The following PFKFB2 variants were observed in gnomAD, a reference collection of about 807,000 sequenced individuals.
PFKFB2 encodes the protein 6-phosphofructo-2-kinase/fructose-2,6-biphosphatase 2, also known as 6-phosphofructo-2-kinase/fructose-2,6-bisphosphatase 2.
Under a neutral mutation model 68.0 loss-of-function variants are expected in PFKFB2, and 53 were observed. The ratio of observed to expected loss-of-function variants is 0.78; its 90% CI spans 0.63 to 0.98. PFKFB2 has a LOEUF of 0.98. Among genes scored for constraint, PFKFB2 ranks in the 50% least tolerant of loss-of-function variants. The pLI is 0.00. For synonymous variants in PFKFB2, 222 were observed against 227.6 expected (o/e 0.98, Z 0.22); for missense variants, 451 against 642.0 (o/e 0.70, Z 3.22).
At position 207,062,728 on chromosome 1, in the gene PFKFB2, TTAAG is replaced by T. The variant is rs1322978023; in HGVS notation, c.308+13_308+16del. 12 of 1,612,126 alleles carry T rather than the reference TTAAG, an allele frequency of 7.4e-6. No homozygotes were observed. The highest frequency in any genetic ancestry group is 1.0e-5 in the Non-Finnish European group (12 of 1,178,824). On this transcript the variant is annotated intron_variant, in intron 4 of 14. Coordinates refer to ENST00000367080, the MANE Select transcript of PFKFB2 (RefSeq NM_006212.2). ...ATGAAGATCCGCAAGTGAGTCTTGT[TTAAG>T]GCCTGATCTCCAGGTCAGCTCTTTC...
At chr1:207,078,881 T>C (rs531548549), downstream of PFKFB2, 1 of 1,275,168 alleles carries the variant, frequency 7.8e-7, no homozygotes, top group African/African-American at 1.5e-5. Context: ...AGGGGAAGGA[T>C]TCTGTTCTAC....
chr1:207,062,580 A>T lies in PFKFB2; in HGVS notation c.212-40A>T, dbSNP rs746975583. On this transcript the variant is annotated intron_variant, in intron 3 of 14. Transcript: ENST00000367080. ...ACAAGTCCCATTTGGTGGGGCCATC[A>T]TATTATTTTGCTGCTGAAGGATTTG... 1.9e-6 allele frequency: 3 copies of T among 1,603,566 alleles called. No individual in the cohort carries two copies. In the South Asian group the frequency reaches 3.4e-5, roughly 18 times the overall value.
chr1:207,079,118 G>C, downstream of PFKFB2: 1 of 1,056,922 alleles, frequency 9.5e-7, no homozygotes, highest in Non-Finnish European at 1.5e-6. Context: ...AGTTAAGTGG[G>C]AACTGGACTT....
rs369770123 is a variant in PFKFB2 at position 207,039,376 on chromosome 1, T to C, written c.-61-2793T>C. Among the ~76,000 whole-genome samples, 10 of 152,338 alleles carry C rather than the reference T, an allele frequency of 6.6e-5. No homozygotes were observed. The East Asian group carries it at 1.9e-3, about 29-fold the overall frequency. Reference sequence around the variant, plus strand: ...TCCATAATTAGGAATAGTAATTTTATGAAATGTCCTACATAACAGACTCTA... The same window carrying C: ...TCCATAATTAGGAATAGTAATTTTACGAAATGTCCTACATAACAGACTCTA... On this transcript the variant is annotated intron_variant, in intron 1 of 5. Coordinates refer to the PFKFB2 transcript ENST00000545806.
chr1:207,080,378 C>T (rs1448441341), downstream of PFKFB2: 2 of 152,126 alleles, frequency 1.3e-5, no homozygotes, highest in Admixed American at 1.3e-4. Flanking sequence ...GTGGATGATA[C>T]AGGACTCTGT....
chr1:207,035,198 C>A, intron 1 of PFKFB2: 1 of 985,538 alleles, frequency 1.0e-6, no homozygotes, highest in Non-Finnish European at 1.2e-6. Context: ...TTCTTGCATG[C>A]TGTTGTGGTC....
chr1:207,040,706 TTCTTGAATG>T (rs1179149397), intron 1 of PFKFB2, among the ~76,000 whole-genome samples: 1 of 152,156 alleles, frequency 6.6e-6, no homozygotes, highest in Non-Finnish European at 1.5e-5. Flanking sequence ...TGCTTTTCTG[TTCTTGAATG>T]TCTCATTCAG....
intron 4 of PFKFB2, 83 bp downstream of exon 4, chr1:207,062,799 C>A: frequency 7.6e-7 from 1 of 1,309,130 alleles, no homozygotes; most frequent in Non-Finnish European, 1.1e-6. Flanking sequence ...TTGGTTTCAT[C>A]TCAGTAAATA....
At chr1:207,069,571 C>A in intron 11 of PFKFB2, 43 bp downstream of exon 11, 3 of 1,256,726 alleles carry the variant, frequency 2.4e-6, no homozygotes, top group Non-Finnish European at 2.3e-6. Flanking sequence ...TAGACCCTTG[C>A]TGAGTGTTTA....
At chr1:207,052,124 A>G, upstream of PFKFB2, 1 of 1,481,146 alleles carries the variant, frequency 6.8e-7, no homozygotes, top group Non-Finnish European at 9.4e-7. Context: ...GGGTTTATCA[A>G]GCATCAAACG....
chr1:207,078,846 G>T, downstream of PFKFB2: 5 of 845,516 alleles, frequency 5.9e-6, no homozygotes, highest in Non-Finnish European at 1.0e-5. Context: ...TGTGGGGATG[G>T]GGAGGTTGAG....
At position 207,063,468 on chromosome 1, in the gene PFKFB2, G is replaced by A; in HGVS notation, c.450+47G>A. Reference sequence around the variant, plus strand: ...GAGGAAAAGGGATGAGTAGAGGTGGGGAGTCAGGCTACAGGCATGGATCTC... The same window carrying A: ...GAGGAAAAGGGATGAGTAGAGGTGGAGAGTCAGGCTACAGGCATGGATCTC... On this transcript the variant is annotated intron_variant, in intron 6 of 14. Transcript: ENST00000367080. The surrounding 1 kb of genome is among the most constrained non-coding windows in gnomAD (Gnocchi z 4.1). The A allele has an allele frequency of 1.5e-6, 2 of 1,319,460 alleles. No individual in the cohort carries two copies. Among genetic ancestry groups the A allele is most frequent in the African/African-American group, 1.4e-5 (1 of 69,140 alleles). The allele number at this position is 1,319,460 out of a possible 1,614,324, so 81.7% of individuals were successfully genotyped here.
chr1:207,068,441 A>G (rs994373053), intron 10 of PFKFB2, 132 bp downstream of exon 10: 1 of 682,486 alleles, frequency 1.5e-6, no homozygotes, highest in Non-Finnish European at 2.2e-6. Context: ...AGCTGACTCT[A>G]TGGCCAGCCC....
In PFKFB2 at chr1:207,072,617, G is replaced by C; in HGVS notation, c.*246G>C. The C allele has an allele frequency of 7.9e-6, 10 of 1,269,508 alleles. No homozygotes were observed. The highest frequency in any genetic ancestry group is 9.9e-6 in the Non-Finnish European group (10 of 1,005,560). 78.6% of individuals were successfully genotyped at this position (1,269,508 alleles called of 1,614,324 possible). The stretch of plus-strand genomic sequence containing the variant: ...TTAGCAAATTGAGTCTTTTAGGACA[G>C]ATTCTCAGATGGGATGATCTGGAGG... On this transcript the variant is annotated 3_prime_UTR_variant, in exon 15 of 15. Coordinates refer to ENST00000367080, the MANE Select transcript of PFKFB2 (RefSeq NM_006212.2).
Position 207,072,857 on chromosome 1 carries a change from C to T in PFKFB2, c.*486C>T. The T allele has an allele frequency of 1.0e-6, 1 of 989,938 alleles. No homozygotes were observed. The highest frequency in any genetic ancestry group is 4.6e-5 in the South Asian group (1 of 21,766). The allele number at this position is 989,938 out of a possible 1,614,324, so 61.3% of individuals were successfully genotyped here. Reference sequence around the variant, plus strand: ...ACACTCCTTACTTGACTGCTTTCTTCCCCCACTTTCATGTCCCCTCTGGAT... The same window carrying T: ...ACACTCCTTACTTGACTGCTTTCTTTCCCCACTTTCATGTCCCCTCTGGAT... On this transcript the variant is annotated 3_prime_UTR_variant, in exon 15 of 15. Coordinates refer to ENST00000367080, the MANE Select transcript of PFKFB2 (RefSeq NM_006212.2).
chr1:207,063,429 C>T lies in PFKFB2; in HGVS notation c.450+8C>T, dbSNP rs1262288131. ...GAACAGAATTCCTTCAAGGTAGGATCTGACTCCATGTTGGAGGAAAAGGGA... is the reference window on the plus strand; with the variant it reads ...GAACAGAATTCCTTCAAGGTAGGATTTGACTCCATGTTGGAGGAAAAGGGA... On this transcript the variant is annotated splice_region_variant and intron_variant, in intron 6 of 14. Transcript: ENST00000367080. This position sits in a 1 kb window ranked among gnomAD's most constrained non-coding sequence, Gnocchi z 4.1. The T allele has an allele frequency of 1.9e-6, 3 of 1,601,196 alleles. No individual in the cohort carries two copies. The highest frequency in any genetic ancestry group is 1.7e-5 in the Admixed American group (1 of 59,598).
chr1:207,073,056 C>G lies in PFKFB2; in HGVS notation c.*685C>G. The G allele has an allele frequency of 1.0e-6, 1 of 985,470 alleles. No homozygotes were observed. Among genetic ancestry groups the G allele is most frequent in the Non-Finnish European group, 1.2e-6 (1 of 829,978 alleles). 61.0% of individuals were successfully genotyped at this position (985,470 alleles called of 1,614,324 possible). A position where few individuals can be genotyped will look rare whatever the true frequency, so the allele number is the denominator to read the frequency against. The stretch of plus-strand genomic sequence containing the variant: ...TCCAGCCAGGTCCTGTAAGGGCCAG[C>G]CCAGACTACAGGACATCCACAGAAT... On this transcript the variant is annotated 3_prime_UTR_variant, in exon 15 of 15. Coordinates refer to ENST00000367080, the MANE Select transcript of PFKFB2 (RefSeq NM_006212.2).
chr1:207,079,190 G>A, downstream of PFKFB2: 1 of 634,966 alleles, frequency 1.6e-6, no homozygotes, highest in East Asian at 2.6e-5. Context: ...CCTGCCTAAT[G>A]GGAATATCAG....
chr1:207,049,418 C>T, upstream of PFKFB2: 14 of 1,614,208 alleles, frequency 8.7e-6, no homozygotes, highest in Non-Finnish European at 1.2e-5. Context: ...CCCCAAGTGT[C>T]ATCCCTTTTG....
Sources: allele counts gnomAD v4.1 joint callset (sites outside exome capture counted in the v4.1 genomes callset), GRCh38; gene constraint gnomAD v4.1.1; non-coding constraint Gnocchi (gnomAD v3.1); transcripts MANE v1.5; gene names NCBI Gene and HGNC (gene_info 2026-07-23, HGNC 2026-07-21).